ATG10: variants seen among roughly 807,000 people sequenced by gnomAD.
ATG10 encodes ubiquitin-like-conjugating enzyme ATG10.
A neutral mutation model predicts 32.1 loss-of-function variants in ATG10; 30 were observed. The ratio of observed to expected loss-of-function variants is 0.94; its 90% CI spans 0.70 to 1.27. The LOEUF (loss-of-function observed/expected upper bound fraction) is 1.27. Among genes scored for constraint, ATG10 ranks in the 50% most tolerant of loss-of-function variants. ATG10 has a pLI of 0.00. For missense variants in ATG10, 233 were observed against 262.3 expected (o/e 0.89, Z 0.77); for synonymous variants, 87 against 91.5 (o/e 0.95, Z 0.28).
chr5:82,000,147 C>T (rs1382931079), intron 2 of ATG10, among the ~76,000 whole-genome samples: 1 of 152,140 alleles, frequency 6.6e-6, no homozygotes, highest in Non-Finnish European at 1.5e-5. Context: ...CCCTAGGATG[C>T]AAGGTTGGTT....
intron 2 of ATG10, among the ~76,000 whole-genome samples, chr5:82,022,593 G>A (rs550589380): frequency 6.7e-6 from 1 of 150,324 alleles, no homozygotes; most frequent in South Asian, 2.1e-4. Context: ...AAAGTGCTGG[G>A]ATTACAGGTG....
chr5:82,230,063 C>T (rs935887221), intron 5 of ATG10, among the ~76,000 whole-genome samples: 10 of 152,196 alleles, frequency 6.6e-5, no homozygotes, highest in Non-Finnish European at 1.2e-4. Context: ...CCATCCCGAG[C>T]CCTAACCCTT....
chr5:81,973,242 G>A, intron 1 of ATG10: 1 of 152,408 alleles, frequency 6.6e-6, no homozygotes, highest in Non-Finnish European at 1.5e-5. Context: ...CAATTCTCCT[G>A]CCTCAGCCTC....
intron 3 of ATG10, among the ~76,000 whole-genome samples, chr5:82,113,302 G>A (rs1407588562): frequency 1.3e-5 from 2 of 151,928 alleles, no homozygotes; most frequent in African/African-American, 4.8e-5. Flanking sequence ...TGAATCAGAT[G>A]AAGAATACTT....
chr5:81,996,928 T>C (rs928158352), intron 2 of ATG10, among the ~76,000 whole-genome samples: 4 of 152,182 alleles, frequency 2.6e-5, no homozygotes, highest in African/African-American at 9.7e-5. Flanking sequence ...ACAGGAAGCA[T>C]TCAATATATC....
At chr5:82,225,098 T>C (rs1358983407) in intron 5 of ATG10, among the ~76,000 whole-genome samples, 2 of 152,250 alleles carry the variant, frequency 1.3e-5, no homozygotes, top group Non-Finnish European at 2.9e-5. Flanking sequence ...AGTTGACCAA[T>C]AGGATAATTG....
At chr5:82,218,192 C>T (rs113363072) in intron 5 of ATG10, among the ~76,000 whole-genome samples, 395 of 152,270 alleles carry the variant, frequency 2.6e-3, no homozygotes, top group African/African-American at 9.0e-3. Context: ...TAGACTCTGA[C>T]TCTCATCTAC....
intron 2 of ATG10, among the ~76,000 whole-genome samples, chr5:82,034,891 GATTTATTC>G (rs1762863288): frequency 6.6e-6 from 1 of 151,752 alleles, no homozygotes; most frequent in African/African-American, 2.4e-5. Flanking sequence ...TTCTTACTCG[GATTTATTC>G]ATTTATTTGT....
chr5:81,981,703 T>C (rs536778605), intron 1 of ATG10, among the ~76,000 whole-genome samples: 4 of 152,358 alleles, frequency 2.6e-5, no homozygotes, highest in East Asian at 1.9e-4. Flanking sequence ...ATATTTCTTA[T>C]AGTGTTTTAG....
intron 2 of ATG10, among the ~76,000 whole-genome samples, chr5:82,034,263 T>C (rs1762843032): frequency 6.6e-6 from 1 of 152,078 alleles, no homozygotes; most frequent in Non-Finnish European, 1.5e-5. Flanking sequence ...CAGTAATCAT[T>C]AGCTTCCAAT....
chr5:82,038,274 T>G (rs976384760), intron 2 of ATG10, among the ~76,000 whole-genome samples: 1 of 152,222 alleles, frequency 6.6e-6, no homozygotes, highest in Non-Finnish European at 1.5e-5. Flanking sequence ...AGGAGACTCA[T>G]GAAATAAGGC....
chr5:82,130,282 C>T (rs572208664), intron 3 of ATG10, among the ~76,000 whole-genome samples: 134 of 152,228 alleles, frequency 8.8e-4, no homozygotes, highest in Non-Finnish European at 1.8e-3. Context: ...TGCTGTGCTC[C>T]GTGGTGGTGG....
intron 3 of ATG10, among the ~76,000 whole-genome samples, chr5:82,066,158 T>G (rs1763937198): frequency 6.6e-6 from 1 of 152,162 alleles, no homozygotes; most frequent in Non-Finnish European, 1.5e-5. Flanking sequence ...TGCTTTGTAT[T>G]TTTTTGTCTC....
At chr5:81,988,095 G>A (rs1430733376) in intron 2 of ATG10, among the ~76,000 whole-genome samples, 1 of 152,124 alleles carries the variant, frequency 6.6e-6, no homozygotes, top group East Asian at 1.9e-4. Context: ...AAATATTGAG[G>A]ACTGTATTAA....
intron 3 of ATG10, among the ~76,000 whole-genome samples, chr5:82,137,189 C>A (rs754129589): frequency 2.0e-5 from 3 of 151,980 alleles, no homozygotes; most frequent in Non-Finnish European, 2.9e-5. Context: ...TTGTTCTTAC[C>A]CACCTTTTGA....
chr5:82,220,358 G>T (rs1030147127), intron 5 of ATG10, among the ~76,000 whole-genome samples: 1 of 151,822 alleles, frequency 6.6e-6, no homozygotes, highest in Non-Finnish European at 1.5e-5. Flanking sequence ...TGCCTCCCGG[G>T]TTCACGCCAT....
At chr5:82,092,730 A>T (rs964073993) in intron 3 of ATG10, among the ~76,000 whole-genome samples, 1 of 152,200 alleles carries the variant, frequency 6.6e-6, no homozygotes, top group Non-Finnish European at 1.5e-5. Flanking sequence ...GTCACATCTT[A>T]TTGGTCAAAA....
chr5:82,111,582 A>G (rs954849074), intron 3 of ATG10: 8 of 151,932 alleles, frequency 5.3e-5, no homozygotes, highest in African/African-American at 1.9e-4. Context: ...TCTCCATTCA[A>G]TTTTAATGTT....
chr5:81,974,551 A>G (rs62367445), intron 1 of ATG10, among the ~76,000 whole-genome samples: 152 of 152,102 alleles, frequency 1.0e-3, no homozygotes, highest in Non-Finnish European at 1.9e-3. Context: ...AAGAACCTAC[A>G]CTGGTTTCCT....
Sources: gnomAD v4.1 joint callset for allele counts (sites outside exome capture counted in the v4.1 genomes callset) on GRCh38, gnomAD v4.1.1 for gene constraint, MANE v1.5 for transcripts, NCBI Gene and HGNC (gene_info 2026-07-23, HGNC 2026-07-21) for gene names.